Variants in RERG observed in about 807,000 individuals in gnomAD.
RERG encodes the protein ras-related and estrogen-regulated growth inhibitor.
RERG carries 25 observed loss-of-function variants against 23.2 expected under a neutral mutation model. That is an observed-to-expected ratio of 1.08 (90% CI 0.79 to 1.50). The LOEUF (loss-of-function observed/expected upper bound fraction) is 1.50. RERG is among the 40% of genes most tolerant of loss of function. The probability of loss-of-function intolerance (pLI) is 0.00; values close to 1 mark genes in which losing one functional copy is unlikely to be tolerated. For synonymous variants in RERG, 81 were observed against 89.1 expected, an observed-to-expected ratio of 0.91 and a Z score of 0.51; for missense variants, 253 against 250.1, an observed-to-expected ratio of 1.01 and a Z score of -0.08.
At chr12:15,192,055 A>T (rs1235744034) in intron 2 of RERG, among the ~76,000 whole-genome samples, 1 of 152,162 alleles carries the variant, frequency 6.6e-6, no homozygotes, top group Non-Finnish European at 1.5e-5. Flanking sequence ...GTTGAATTGT[A>T]ATCCCCAGTG....
intron 2 of RERG, among the ~76,000 whole-genome samples, chr12:15,215,704 G>C (rs1433427920): frequency 6.6e-6 from 1 of 152,094 alleles, no homozygotes; most frequent in East Asian, 1.9e-4. Flanking sequence ...AGATGAAGCA[G>C]TGGACGAAGA....
chr12:15,119,482 T>C, intron 3 of RERG, among the ~76,000 whole-genome samples: 1 of 152,298 alleles, frequency 6.6e-6, no homozygotes, highest in East Asian at 1.9e-4. Flanking sequence ...TAAACTCCCA[T>C]TAATCATTAA....
rs560539105 is a variant in RERG at position 15,145,423 on chromosome 12, G to C, written c.62-24304C>G. Among the ~76,000 whole-genome samples the C allele has an allele frequency of 2.0e-5, 3 of 152,346 alleles. No individual in the cohort carries two copies. In the East Asian group the frequency reaches 5.8e-4, roughly 29 times the overall value. Reference sequence around the variant, plus strand: ...TGAGAGATCTCACCAAATCCCCTTTGATTAAGGAGGAACAATAAGGACCAC... The same window carrying C: ...TGAGAGATCTCACCAAATCCCCTTTCATTAAGGAGGAACAATAAGGACCAC... On this transcript the variant is annotated intron_variant, in intron 2 of 4. Coordinates refer to ENST00000256953, the MANE Select transcript of RERG (RefSeq NM_032918.3).
chr12:15,165,731 A>G (rs577744447), intron 2 of RERG, among the ~76,000 whole-genome samples: 6 of 152,226 alleles, frequency 3.9e-5, no homozygotes, highest in Non-Finnish European at 8.8e-5. Flanking sequence ...AAACAATCAT[A>G]TTAATAACTA....
chr12:15,130,198 AT>A (rs1169302110), intron 2 of RERG, among the ~76,000 whole-genome samples: 1 of 152,186 alleles, frequency 6.6e-6, no homozygotes, highest in Non-Finnish European at 1.5e-5. Context: ...GCACTGCCCC[AT>A]AAGCAGTGGA....
intron 2 of RERG, among the ~76,000 whole-genome samples, chr12:15,161,210 GAAAGAAAGAAAGAAAGAAAC>G (rs71042233): frequency 0.026 from 3,669 of 141,204 alleles, 153 homozygotes; most frequent in Admixed American, 0.056. Flanking sequence ...AAGAAAGAAA[GAAAGAAAGAAAGAAAGAAAC>G]AGGGGCATCA....
chr12:15,201,304 A>G (rs1865211327), intron 2 of RERG, among the ~76,000 whole-genome samples: 1 of 151,874 alleles, frequency 6.6e-6, no homozygotes, highest in South Asian at 2.1e-4. Flanking sequence ...TTAGTTCTGT[A>G]AATCAACTCA....
intron 2 of RERG, among the ~76,000 whole-genome samples, chr12:15,122,557 T>C (rs953333872): frequency 6.6e-6 from 1 of 152,180 alleles, no homozygotes; most frequent in Non-Finnish European, 1.5e-5. Flanking sequence ...GTGCCTAAAG[T>C]AGCAAGGCCA....
chr12:15,174,036 C>A (rs1291468342), intron 2 of RERG, among the ~76,000 whole-genome samples: 1 of 152,022 alleles, frequency 6.6e-6, no homozygotes, highest in Non-Finnish European at 1.5e-5. Context: ...GTCAAGCACT[C>A]CCTATTGTCC....
chr12:15,113,657 C>T (rs940701287), intron 3 of RERG, among the ~76,000 whole-genome samples: 4 of 151,584 alleles, frequency 2.6e-5, no homozygotes, highest in African/African-American at 9.7e-5. Context: ...ATGAACAAAA[C>T]CATTCAAAAC....
At chr12:15,218,220 G>A (rs894547548) in intron 1 of RERG, among the ~76,000 whole-genome samples, 7 of 152,110 alleles carry the variant, frequency 4.6e-5, no homozygotes, top group African/African-American at 7.2e-5. Flanking sequence ...GTACAAAAAC[G>A]ATAAATGCCA....
At chr12:15,198,146 T>C (rs1184513904) in intron 2 of RERG, among the ~76,000 whole-genome samples, 1 of 152,126 alleles carries the variant, frequency 6.6e-6, no homozygotes, top group Non-Finnish European at 1.5e-5. Flanking sequence ...CATTTTCCTA[T>C]CTTGTCTCTT....
intron 2 of RERG, among the ~76,000 whole-genome samples, chr12:15,149,059 CGG>C (rs1259764040): frequency 6.6e-6 from 1 of 151,352 alleles, no homozygotes; most frequent in Non-Finnish European, 1.5e-5. Flanking sequence ...TTAGTAGAGA[CGG>C]GGTTTCACTG....
At chr12:15,175,396 T>C (rs1200481607) in intron 2 of RERG, among the ~76,000 whole-genome samples, 3 of 137,546 alleles carry the variant, frequency 2.2e-5, no homozygotes, top group Admixed American at 1.5e-4. Context: ...TGTTGGGGCA[T>C]GCTTTCCATG....
intron 2 of RERG, among the ~76,000 whole-genome samples, chr12:15,176,553 G>A (rs948154679): frequency 6.6e-6 from 1 of 151,986 alleles, no homozygotes; most frequent in African/African-American, 2.4e-5. Context: ...TTGTTTATTA[G>A]CAAACACACT....
intron 2 of RERG, among the ~76,000 whole-genome samples, chr12:15,209,404 A>G (rs893110560): frequency 5.9e-5 from 9 of 152,226 alleles, no homozygotes; most frequent in Non-Finnish European, 1.3e-4. Flanking sequence ...CCTACAGTCA[A>G]TTGTGTGCGT....
chr12:15,110,492 T>TTTTTTTTTTC, intron 4 of RERG, among the ~76,000 whole-genome samples: 1 of 125,570 alleles, frequency 8.0e-6, no homozygotes, highest in African/African-American at 3.0e-5. Flanking sequence ...TTTTTTTTTT[T>TTTTTTTTTTC]TACTGAGACG....
chr12:15,136,276 A>G (rs1461246089), intron 2 of RERG, among the ~76,000 whole-genome samples: 1 of 151,486 alleles, frequency 6.6e-6, no homozygotes, highest in Non-Finnish European at 1.5e-5. Context: ...GCTGTTAGTA[A>G]TTTGCATCTT....
chr12:15,119,013 A>G (rs1163837174), intron 3 of RERG, among the ~76,000 whole-genome samples: 2 of 151,722 alleles, frequency 1.3e-5, no homozygotes, highest in East Asian at 3.9e-4. Flanking sequence ...AATCAAATGG[A>G]TGGAGAACCC....
Sources: gnomAD v4.1 joint callset for allele counts (sites outside exome capture counted in the v4.1 genomes callset) on GRCh38, gnomAD v4.1.1 for gene constraint, MANE v1.5 for transcripts, NCBI Gene and HGNC (gene_info 2026-07-23, HGNC 2026-07-21) for gene names.